CERKL: variants seen among roughly 807,000 people sequenced by gnomAD.
CERKL encodes CERK like autophagy regulator.
A neutral mutation model predicts 63.4 loss-of-function variants in CERKL; 61 were observed. The ratio of observed to expected loss-of-function variants is 0.96; its 90% CI spans 0.78 to 1.19. The LOEUF (loss-of-function observed/expected upper bound fraction) is 1.19, where lower values mean the gene tolerates loss of function less well. CERKL is among the 50% of genes most tolerant of loss of function. The pLI, the probability that CERKL is intolerant of heterozygous loss-of-function variation, is 0.00. For missense variants in CERKL, 675 were observed against 655.5 expected, an observed-to-expected ratio of 1.03 and a Z score of -0.33; for synonymous variants, 250 against 230.5, an observed-to-expected ratio of 1.08 and a Z score of -0.77.
chr2:181,640,108 A>G (rs769953710), intron 1 of CERKL, among the ~76,000 whole-genome samples: 4 of 152,092 alleles, frequency 2.6e-5, no homozygotes, highest in Non-Finnish European at 5.9e-5. Context: ...TGGTGCCTAT[A>G]CCTTCCTGAT....
intron 1 of CERKL, among the ~76,000 whole-genome samples, chr2:181,652,432 G>C (rs1435476437): frequency 6.6e-6 from 1 of 152,090 alleles, no homozygotes. Flanking sequence ...AGGAAAATCA[G>C]ATATTCACAT....
At position 181,538,041 on chromosome 2, in the gene CERKL, C is replaced by T; in HGVS notation, c.*143G>A. On this transcript the variant is annotated 3_prime_UTR_variant, in exon 13 of 13. Transcript: ENST00000410087. ...ATGATCTGAGGTGGAACAGTTCATC[C>T]TGAAACCATTCCCCCATCCACGGAA... is the stretch of plus-strand genomic sequence containing the variant. 2 of 700,230 alleles carry T rather than the reference C, an allele frequency of 2.9e-6. No individual in the cohort carries two copies. Among genetic ancestry groups the T allele is most frequent in the South Asian group, 1.5e-5 (1 of 66,530 alleles). The allele number at this position is 700,230 out of a possible 1,614,324, so 43.4% of individuals were successfully genotyped here. A position where few individuals can be genotyped will look rare whatever the true frequency, so the allele number is the denominator to read the frequency against.
intron 4 of CERKL, among the ~76,000 whole-genome samples, chr2:181,561,345 G>A (rs1261452990): frequency 1.3e-5 from 2 of 151,254 alleles, no homozygotes; most frequent in Non-Finnish European, 2.9e-5. Context: ...GGGAGACAGA[G>A]GTTGCACTGA....
At chr2:181,580,041 A>G (rs541439105) in intron 2 of CERKL, among the ~76,000 whole-genome samples, 9 of 151,880 alleles carry the variant, frequency 5.9e-5, no homozygotes, top group Non-Finnish European at 1.3e-4. Context: ...TTTCACATCT[A>G]TTTTTGCTTA....
intron 2 of CERKL, among the ~76,000 whole-genome samples, chr2:181,587,674 C>T (rs1684823148): frequency 6.6e-6 from 1 of 151,982 alleles, no homozygotes; most frequent in Non-Finnish European, 1.5e-5. Context: ...TACAATTAAC[C>T]TCATAAAAAA....
intron 2 of CERKL, among the ~76,000 whole-genome samples, chr2:181,576,974 AC>A (rs1444498707): frequency 1.3e-5 from 2 of 152,186 alleles, no homozygotes; most frequent in Non-Finnish European, 2.9e-5. Flanking sequence ...GATCTAAGGA[AC>A]TGGCATATTC....
intron 1 of CERKL, among the ~76,000 whole-genome samples, chr2:181,621,285 G>A (rs1390969116): frequency 1.3e-5 from 2 of 152,080 alleles, no homozygotes; most frequent in Non-Finnish European, 2.9e-5. Context: ...TAATAAAATT[G>A]TAAGTCTTAA....
chr2:181,565,141 C>T (rs944559522), intron 4 of CERKL, among the ~76,000 whole-genome samples: 8 of 152,158 alleles, frequency 5.3e-5, no homozygotes, highest in African/African-American at 1.9e-4. Context: ...TGCATCACTT[C>T]CCTCCCCAGC....
intron 2 of CERKL, among the ~76,000 whole-genome samples, chr2:181,597,179 T>C (rs534132004): frequency 1.6e-4 from 24 of 152,180 alleles, no homozygotes; most frequent in Admixed American, 3.3e-4. Flanking sequence ...AGATAAATAG[T>C]AGTTTTTCCT....
In CERKL at chr2:181,549,486, T is replaced by C. The variant is rs937505323; in HGVS notation, c.895+148A>G. 2.9e-5 allele frequency: 19 copies of C among 660,112 alleles called. No homozygotes were observed. In the Admixed American group the frequency reaches 4.2e-4, roughly 15 times the overall value. 40.9% of individuals were successfully genotyped at this position (660,112 alleles called of 1,614,324 possible). On this transcript the variant is annotated intron_variant, in intron 6 of 12. Transcript: ENST00000410087. ...GACAGGCAATCCACATAGTAAAGCA[T>C]TGCCTTTTGGTTTTTTAGTCAAACA... is the stretch of plus-strand genomic sequence containing the variant.
chr2:181,634,721 T>C (rs1199884020), intron 1 of CERKL, among the ~76,000 whole-genome samples: 1 of 152,156 alleles, frequency 6.6e-6, no homozygotes, highest in African/African-American at 2.4e-5. Flanking sequence ...TTAATGAACA[T>C]ACTTGGTTAG....
chr2:181,652,994 C>T (rs1207999055), intron 1 of CERKL, among the ~76,000 whole-genome samples: 3 of 152,124 alleles, frequency 2.0e-5, no homozygotes, highest in East Asian at 1.9e-4. Context: ...AGGATGGTCT[C>T]GATCTTCTGA....
At chr2:181,635,168 C>T (rs1046923196) in intron 1 of CERKL, among the ~76,000 whole-genome samples, 6 of 152,094 alleles carry the variant, frequency 3.9e-5, no homozygotes, top group Non-Finnish European at 8.8e-5. Flanking sequence ...GTGCCAAGAA[C>T]ATTTCATAAA....
At chr2:181,580,905 C>CA (rs1224040920) in intron 2 of CERKL, among the ~76,000 whole-genome samples, 1 of 151,876 alleles carries the variant, frequency 6.6e-6, no homozygotes, top group Non-Finnish European at 1.5e-5. Context: ...TTAGAAGTAC[C>CA]AAAAAATGCC....
intron 1 of CERKL, among the ~76,000 whole-genome samples, chr2:181,631,621 T>G (rs1200888405): frequency 6.6e-6 from 1 of 152,172 alleles, no homozygotes; most frequent in African/African-American, 2.4e-5. Context: ...TGCTCTCATT[T>G]AAAGGGTTTG....
chr2:181,621,193 T>C (rs548465201), intron 1 of CERKL, among the ~76,000 whole-genome samples: 43 of 152,326 alleles, frequency 2.8e-4, no homozygotes, highest in African/African-American at 1.0e-3. Flanking sequence ...GGAAATTACT[T>C]ATAAAATGTA....
chr2:181,548,973 C>T (rs186501854), intron 6 of CERKL, 116 bp from the exon 7 acceptor site: 4 of 844,774 alleles, frequency 4.7e-6, no homozygotes, highest in Non-Finnish European at 7.6e-6. Context: ...TACTGTAGAC[C>T]ATGAACATCC....
chr2:181,648,406 C>CA (rs200190747), intron 1 of CERKL, among the ~76,000 whole-genome samples: 1,944 of 149,100 alleles, frequency 0.013, 45 homozygotes, highest in African/African-American at 0.043. Context: ...GCTAAAAGAA[C>CA]AAAAAAAAAC....
intron 1 of CERKL, among the ~76,000 whole-genome samples, chr2:181,618,848 A>G (rs1686328685): frequency 6.6e-6 from 1 of 152,222 alleles, no homozygotes; most frequent in Non-Finnish European, 1.5e-5. Flanking sequence ...TCCAAGACCA[A>G]AAAGCTTGAG....
Sources: allele counts gnomAD v4.1 joint callset (sites outside exome capture counted in the v4.1 genomes callset), GRCh38; gene constraint gnomAD v4.1.1; transcripts MANE v1.5; gene names NCBI Gene and HGNC (gene_info 2026-07-23, HGNC 2026-07-21).